DOK5: variants seen among roughly 807,000 people sequenced by gnomAD.
DOK5 encodes the protein docking protein 5.
In DOK5, 27 loss-of-function variants were observed where a neutral mutation model predicts 43.3. The ratio of observed to expected loss-of-function variants is 0.62; its 90% CI spans 0.46 to 0.86. The LOEUF (loss-of-function observed/expected upper bound fraction) is 0.86, where lower values mean the gene tolerates loss of function less well. DOK5 is among the 40% of genes least tolerant of loss of function. The probability of loss-of-function intolerance (pLI) is 0.00; values close to 1 mark genes in which losing one functional copy is unlikely to be tolerated. For missense variants in DOK5, 373 were observed against 392.9 expected (o/e 0.95, Z 0.43); for synonymous variants, 146 against 140.1 (o/e 1.04, Z -0.30).
chr20:54,573,601 C>T (rs1024661221), intron 2 of DOK5, among the ~76,000 whole-genome samples: 12 of 146,758 alleles, frequency 8.2e-5, no homozygotes, highest in South Asian at 6.5e-4. Context: ...GCAGGAGAAT[C>T]GCTTGAATCT....
intron 2 of DOK5, among the ~76,000 whole-genome samples, chr20:54,574,514 C>A (rs1183162757): frequency 6.6e-6 from 1 of 152,100 alleles, no homozygotes; most frequent in Non-Finnish European, 1.5e-5. Context: ...GTGGTGGGCA[C>A]TGATGTGAGC....
At chr20:54,547,038 T>G (rs1407534906) in intron 1 of DOK5, among the ~76,000 whole-genome samples, 1 of 152,158 alleles carries the variant, frequency 6.6e-6, no homozygotes, top group Non-Finnish European at 1.5e-5. Flanking sequence ...CAAACAGATT[T>G]CTATGAGATC....
At chr20:54,595,806 G>A (rs1325992393) in intron 5 of DOK5, among the ~76,000 whole-genome samples, 1 of 152,194 alleles carries the variant, frequency 6.6e-6, no homozygotes, top group Non-Finnish European at 1.5e-5. Flanking sequence ...ACAGCTTGGT[G>A]TAGTATACAA....
rs1422678662 is a variant in DOK5, at chr20:54,488,762, C to CCCCTTCCTT, written c.66+12754_66+12755insTCCTTCCCT. 2.0e-4 allele frequency among the ~76,000 whole-genome samples: 18 copies of CCCCTTCCTT among 89,672 alleles called. 1 individual carries two copies. Among genetic ancestry groups the CCCCTTCCTT allele is most frequent in the African/African-American group, 2.0e-3 (18 of 9,130 alleles). 58.8% of individuals were successfully genotyped at this position (89,672 alleles called of 152,430 possible). On this transcript the variant is annotated intron_variant, in intron 1 of 7. Transcript: ENST00000262593. Reference sequence around the variant, plus strand: ...TCCTCCCTCCCTCCCTCTTTCCCTACCCCTCCCCTCCCTCCCCTCGTCCCT... The same window carrying CCCCTTCCTT: ...TCCTCCCTCCCTCCCTCTTTCCCTACCCCTTCCTTCCCTCCCCTCCCTCCCCTCGTCCCT...
At chr20:54,526,796 A>C (rs1983591918) in intron 1 of DOK5, among the ~76,000 whole-genome samples, 1 of 152,202 alleles carries the variant, frequency 6.6e-6, no homozygotes, top group Non-Finnish European at 1.5e-5. Flanking sequence ...TTCGAAAAGC[A>C]GTCTTTTTTT....
intron 1 of DOK5, among the ~76,000 whole-genome samples, chr20:54,492,789 C>T (rs977496625): frequency 4.6e-5 from 7 of 151,974 alleles, no homozygotes; most frequent in African/African-American, 1.7e-4. Flanking sequence ...TGCGGTGGCT[C>T]ACGCCTGTAA....
intron 1 of DOK5, among the ~76,000 whole-genome samples, chr20:54,499,552 G>A (rs1982516946): frequency 6.6e-6 from 1 of 152,184 alleles, no homozygotes; most frequent in African/African-American, 2.4e-5. Context: ...GGCAGTTATT[G>A]TACTGCTATG....
intron 2 of DOK5, among the ~76,000 whole-genome samples, chr20:54,565,681 T>G (rs571968459): frequency 1.5e-3 from 231 of 152,284 alleles, no homozygotes; most frequent in African/African-American, 5.2e-3. Context: ...AGAAACTTAT[T>G]GTGTGCATGT....
intron 1 of DOK5, among the ~76,000 whole-genome samples, chr20:54,528,368 G>A (rs1983649600): frequency 6.6e-6 from 1 of 152,080 alleles, no homozygotes; most frequent in South Asian, 2.1e-4. Context: ...AGAAGTTAAA[G>A]TTAGTATCGT....
intron 1 of DOK5, among the ~76,000 whole-genome samples, chr20:54,495,726 A>G (rs1406976150): frequency 6.6e-6 from 1 of 152,124 alleles, no homozygotes; most frequent in Non-Finnish European, 1.5e-5. Flanking sequence ...CCCCATCTCT[A>G]CAATAATTAG....
chr20:54,536,768 C>T (rs564874820), intron 1 of DOK5, among the ~76,000 whole-genome samples: 1 of 152,308 alleles, frequency 6.6e-6, no homozygotes, highest in South Asian at 2.1e-4. Context: ...CAATGAAGGC[C>T]AAGTGGGGGA....
chr20:54,646,277 C>G (rs1600766700), intron 7 of DOK5, among the ~76,000 whole-genome samples: 1 of 65,392 alleles, frequency 1.5e-5, no homozygotes, highest in East Asian at 4.5e-4. Context: ...TTTTTTGAGA[C>G]AGGGTCTGGC....
At chr20:54,505,896 C>A (rs577532747) in intron 1 of DOK5, among the ~76,000 whole-genome samples, 1 of 152,278 alleles carries the variant, frequency 6.6e-6, no homozygotes, top group South Asian at 2.1e-4. Flanking sequence ...AGAGGAGAGA[C>A]CTGAAGATGC....
chr20:54,604,431 A>T (rs1600729651), intron 5 of DOK5, among the ~76,000 whole-genome samples: 2 of 150,342 alleles, frequency 1.3e-5, no homozygotes, highest in Non-Finnish European at 3.0e-5. Flanking sequence ...TCAACTGTAC[A>T]TTTCCTTTTT....
chr20:54,629,197 A>G (rs1978451183), intron 6 of DOK5, among the ~76,000 whole-genome samples: 1 of 152,162 alleles, frequency 6.6e-6, no homozygotes, highest in African/African-American at 2.4e-5. Context: ...ATGAAGTGGG[A>G]AGATATTTCC....
intron 1 of DOK5, among the ~76,000 whole-genome samples, chr20:54,481,750 C>T (rs1331732174): frequency 1.3e-5 from 2 of 152,196 alleles, no homozygotes; most frequent in Non-Finnish European, 2.9e-5. Flanking sequence ...AGCATAGGCT[C>T]TGACATGTGA....
intron 2 of DOK5, among the ~76,000 whole-genome samples, chr20:54,560,579 A>G (rs1168719333): frequency 6.6e-6 from 1 of 152,174 alleles, no homozygotes; most frequent in Non-Finnish European, 1.5e-5. Context: ...CTCCTGAAAC[A>G]CGTTCAAAAC....
chr20:54,496,585 G>A (rs1020756038), intron 1 of DOK5, among the ~76,000 whole-genome samples: 2 of 151,964 alleles, frequency 1.3e-5, no homozygotes, highest in Non-Finnish European at 2.9e-5. Context: ...GGCCAACACG[G>A]TGAAACCCCG....
chr20:54,568,218 C>G (rs1985157767), intron 2 of DOK5, among the ~76,000 whole-genome samples: 1 of 152,198 alleles, frequency 6.6e-6, no homozygotes. Context: ...AAAAACAAGA[C>G]AAAACCAAAC....
Sources: allele counts gnomAD v4.1 joint callset (sites outside exome capture counted in the v4.1 genomes callset), GRCh38; gene constraint gnomAD v4.1.1; transcripts MANE v1.5; gene names NCBI Gene and HGNC (gene_info 2026-07-23, HGNC 2026-07-21).